RASA1: variants seen among roughly 807,000 people sequenced by gnomAD.
The protein encoded by RASA1 is RAS p21 protein activator 1.
A neutral mutation model predicts 132.2 loss-of-function variants in RASA1; 25 were observed. That is an observed-to-expected ratio of 0.19 (90% confidence interval 0.14 to 0.26). RASA1 has a LOEUF of 0.26. Among genes scored for constraint, RASA1 ranks in the 10% least tolerant of loss-of-function variants. RASA1 has a pLI of 1.00. For synonymous variants in RASA1, 477 were observed against 449.9 expected (o/e 1.06, Z -0.76); for missense variants, 964 against 1,299.2 (o/e 0.74, Z 3.97).
chr5:87,283,761 T>G (rs1225797090), intron 1 of RASA1, among the ~76,000 whole-genome samples: 1 of 152,148 alleles, frequency 6.6e-6, no homozygotes, highest in Non-Finnish European at 1.5e-5. Flanking sequence ...TTAACTACTA[T>G]GCTACATTCC....
intron 20 of RASA1, among the ~76,000 whole-genome samples, chr5:87,383,332 C>T (rs980863738): frequency 3.3e-5 from 5 of 152,094 alleles, no homozygotes; most frequent in African/African-American, 1.2e-4. Flanking sequence ...ATTTCTACTC[C>T]TGTGGTATTT....
chr5:87,388,750 G>A (rs987452346), intron 23 of RASA1, among the ~76,000 whole-genome samples: 2 of 152,136 alleles, frequency 1.3e-5, no homozygotes, highest in African/African-American at 4.8e-5. Flanking sequence ...TCATAGTGCA[G>A]TTCCTACTTA....
chr5:87,359,952 C>T (rs1425345968), intron 9 of RASA1, among the ~76,000 whole-genome samples: 5 of 152,086 alleles, frequency 3.3e-5, no homozygotes, highest in African/African-American at 4.8e-5. Context: ...TGGAACACAG[C>T]CATCTTGTAA....
intron 1 of RASA1, among the ~76,000 whole-genome samples, chr5:87,303,640 T>C (rs1207953695): frequency 4.6e-5 from 7 of 152,168 alleles, no homozygotes; most frequent in Middle Eastern, 3.4e-3. Context: ...GAACATACTC[T>C]GAATGAATTC....
rs950350825 is a variant in RASA1 at position 87,387,971 on chromosome 5, A to G, written c.2925+1068A>G. The stretch of plus-strand genomic sequence containing the variant: ...CTTAGAATCCAAATATAATACTACC[A>G]TATTTCTTCACCACCTGTATAATAA... On this transcript the variant is annotated intron_variant, in intron 23 of 24. Transcript: ENST00000274376. Among the ~76,000 whole-genome samples, 18 of 152,146 alleles carry G rather than the reference A, an allele frequency of 1.2e-4. 1 individual carries two copies. Among genetic ancestry groups the G allele is most frequent in the Admixed American group, 9.8e-4 (15 of 15,274 alleles).
chr5:87,304,474 T>C (rs1755517367), intron 1 of RASA1, among the ~76,000 whole-genome samples: 1 of 151,840 alleles, frequency 6.6e-6, no homozygotes, highest in African/African-American at 2.4e-5. Context: ...TATACACTTT[T>C]TTTTTTTTTT....
intron 1 of RASA1, among the ~76,000 whole-genome samples, chr5:87,279,193 T>C (rs1387779422): frequency 2.0e-5 from 3 of 152,066 alleles, no homozygotes; most frequent in South Asian, 4.1e-4. Context: ...CAGTGAGTTA[T>C]GATTGTGCCA....
intron 1 of RASA1, among the ~76,000 whole-genome samples, chr5:87,328,084 A>G (rs1018182634): frequency 5.3e-5 from 8 of 152,228 alleles, no homozygotes; most frequent in African/African-American, 1.9e-4. Context: ...GTATTTTTCA[A>G]CATTGTTTTA....
intron 1 of RASA1, among the ~76,000 whole-genome samples, chr5:87,305,890 A>G (rs1412087457): frequency 6.6e-6 from 1 of 152,250 alleles, no homozygotes; most frequent in African/African-American, 2.4e-5. Context: ...GCTCAACATC[A>G]CTGATCATTA....
chr5:87,285,337 G>C (rs1417451996), intron 1 of RASA1, among the ~76,000 whole-genome samples: 1 of 151,986 alleles, frequency 6.6e-6, no homozygotes, highest in Non-Finnish European at 1.5e-5. Flanking sequence ...AAAGTGCTGG[G>C]ATTACAGGCG....
At chr5:87,371,242 G>T (rs1760917720) in intron 12 of RASA1, among the ~76,000 whole-genome samples, 2 of 151,762 alleles carry the variant, frequency 1.3e-5, no homozygotes, top group Non-Finnish European at 2.9e-5. Context: ...AGTTTTTGTT[G>T]ATTTATTGGG....
At chr5:87,380,428 G>T in intron 19 of RASA1, 81 bp from the exon 20 acceptor site, 1 of 1,232,206 alleles carries the variant, frequency 8.1e-7, no homozygotes, top group East Asian at 2.3e-5. Flanking sequence ...TGGTATATTT[G>T]GGTAAATTAA....
At chr5:87,273,313 A>G (rs1401372938) in intron 1 of RASA1, among the ~76,000 whole-genome samples, 1 of 152,138 alleles carries the variant, frequency 6.6e-6, no homozygotes, top group African/African-American at 2.4e-5. Flanking sequence ...AAGTTTTGAG[A>G]AAATTATAAA....
chr5:87,379,421 T>G (rs1489564808), intron 18 of RASA1, among the ~76,000 whole-genome samples: 2 of 152,214 alleles, frequency 1.3e-5, no homozygotes, highest in African/African-American at 4.8e-5. Context: ...GCATTTGATA[T>G]TTTTATTAGC....
Position 87,268,463 on chromosome 5 carries a change from C to T in RASA1, c.12C>T (p.Ala4=). 6.5e-7 allele frequency: 1 copy of T among 1,546,458 alleles called. No individual in the cohort carries two copies. The highest frequency in any genetic ancestry group is 8.7e-7 in the Non-Finnish European group (1 of 1,145,882). Residue 4 remains alanine, a synonymous_variant, in exon 1 of 25, where the codon GCC becomes GCT. Transcript: ENST00000274376. MMA[A]EAGSEEGGPV... Reference sequence around the variant, plus strand: ...GAGCGGGCTTCAACATGATGGCGGCCGAGGCCGGCAGTGAGGAGGGCGGCC... The same window carrying T: ...GAGCGGGCTTCAACATGATGGCGGCTGAGGCCGGCAGTGAGGAGGGCGGCC...
intron 1 of RASA1, among the ~76,000 whole-genome samples, chr5:87,289,201 C>T (rs1325952895): frequency 1.3e-5 from 2 of 152,068 alleles, no homozygotes; most frequent in Non-Finnish European, 2.9e-5. Flanking sequence ...CTCATAGTTA[C>T]ACTTAGATTA....
intron 8 of RASA1, among the ~76,000 whole-genome samples, chr5:87,350,476 T>C (rs1051395103): frequency 1.1e-4 from 17 of 151,878 alleles, no homozygotes; most frequent in Admixed American, 1.1e-3. Flanking sequence ...TTGAGATCCT[T>C]TTTAAAGATA....
At chr5:87,346,651 C>G in intron 6 of RASA1, 21 bp from the exon 7 acceptor site, 1 of 1,467,922 alleles carries the variant, frequency 6.8e-7, no homozygotes, top group Non-Finnish European at 9.5e-7. Flanking sequence ...ATTTATATAT[C>G]TAATTTATTC....
intron 22 of RASA1, 51 bp downstream of exon 22, chr5:87,385,440 A>C: frequency 7.4e-7 from 1 of 1,350,914 alleles, no homozygotes; most frequent in Non-Finnish European, 1.1e-6. Flanking sequence ...CAAGTTTGAC[A>C]TGATAAAACC....
Sources: gnomAD v4.1 joint callset for allele counts (sites outside exome capture counted in the v4.1 genomes callset) on GRCh38, gnomAD v4.1.1 for gene constraint, MANE v1.5 for transcripts, NCBI Gene and HGNC (gene_info 2026-07-23, HGNC 2026-07-21) for gene names.